PCDHA10: variants seen among roughly 807,000 people sequenced by gnomAD.
The protein encoded by PCDHA10 is protocadherin alpha 10.
PCDHA10 carries 45 observed loss-of-function variants against 61.2 expected under a neutral mutation model. The observed-to-expected ratio is 0.74, with a 90% confidence interval of 0.58 to 0.94. The LOEUF (loss-of-function observed/expected upper bound fraction) is 0.94. Among genes scored for constraint, PCDHA10 ranks in the 40% least tolerant of loss-of-function variants. The probability of loss-of-function intolerance (pLI) is 0.00; values close to 1 mark genes in which losing one functional copy is unlikely to be tolerated. For synonymous variants in PCDHA10, 602 were observed against 548.8 expected (o/e 1.10, Z -1.35); for missense variants, 1,278 against 1,236.2 (o/e 1.03, Z -0.51).
chr5:140,928,834 T>G, intron 1 of PCDHA10: 3 of 1,614,178 alleles, frequency 1.9e-6, no homozygotes, highest in Non-Finnish European at 2.5e-6. Flanking sequence ...ACCACTTTCC[T>G]CCTCTGTCAC....
chr5:140,861,303 G>A (rs1290097316), intron 1 of PCDHA10: 2 of 189,476 alleles, frequency 1.1e-5, no homozygotes, highest in Non-Finnish European at 2.2e-5. Context: ...TGTGAAGCGG[G>A]AAAGGACCAG....
At position 140,856,666 on chromosome 5, in the gene PCDHA10, G is replaced by A. The variant is rs782273873; in HGVS notation, c.618G>A (p.Gln206=). The change falls in exon 1 of 4, where the codon CAG becomes CAA. Residue 206 remains glutamine, a synonymous_variant. Coordinates refer to ENST00000307360, the MANE Select transcript of PCDHA10 (RefSeq NM_018901.4). ...TGCTGGATCGTGAAGAAAATCCTCA[G>A]CTAAAGTTGTTGTTGACAGCAACTG... The part of the protein sequence containing the change: ...RKLLDREENP[Q]LKLLLTATDG... 1 of 1,598,010 alleles carries A rather than the reference G, an allele frequency of 6.3e-7. No individual in the cohort carries two copies. The highest frequency in any genetic ancestry group is 1.7e-5 in the Admixed American group (1 of 59,222).
intron 1 of PCDHA10, among the ~76,000 whole-genome samples, chr5:140,915,425 A>T (rs2077115235): frequency 6.6e-6 from 1 of 152,056 alleles, no homozygotes; most frequent in African/African-American, 2.4e-5. Flanking sequence ...GGGCTTGTTT[A>T]TCCCTGTCCT....
intron 1 of PCDHA10, among the ~76,000 whole-genome samples, chr5:140,872,762 G>A (rs545441914): frequency 6.6e-6 from 1 of 152,066 alleles, no homozygotes; most frequent in African/African-American, 2.4e-5. Flanking sequence ...ATGCATATAG[G>A]GCTATATTAT....
intron 1 of PCDHA10, among the ~76,000 whole-genome samples, chr5:140,931,932 T>C (rs1163129550): frequency 6.6e-6 from 1 of 151,986 alleles, no homozygotes; most frequent in South Asian, 2.1e-4. Context: ...ATGATTATAA[T>C]GTGTGTCTGA....
intron 2 of PCDHA10, among the ~76,000 whole-genome samples, chr5:140,981,680 C>T (rs1238332235): frequency 6.6e-6 from 1 of 151,746 alleles, no homozygotes; most frequent in Non-Finnish European, 1.5e-5. Flanking sequence ...CTTCCTTCCT[C>T]CCTTCCATCA....
At chr5:140,897,340 C>G (rs1326802877) in intron 1 of PCDHA10, among the ~76,000 whole-genome samples, 1 of 122,842 alleles carries the variant, frequency 8.1e-6, no homozygotes, top group African/African-American at 3.1e-5. Flanking sequence ...CCCCTCCCCC[C>G]ACCCCACAAC....
At chr5:140,930,918 T>G (rs1554208161) in intron 1 of PCDHA10, among the ~76,000 whole-genome samples, 1 of 152,180 alleles carries the variant, frequency 6.6e-6, no homozygotes, top group East Asian at 1.9e-4. Context: ...ACTTTAGATG[T>G]GTATATGTGG....
intron 3 of PCDHA10, among the ~76,000 whole-genome samples, chr5:140,983,234 G>C (rs1021819523): frequency 6.6e-6 from 1 of 152,196 alleles, no homozygotes; most frequent in Non-Finnish European, 1.5e-5. Context: ...TTTCAGGAAA[G>C]AGAACCTGCT....
At chr5:140,906,097 T>G (rs1396034135) in intron 1 of PCDHA10, among the ~76,000 whole-genome samples, 1 of 152,144 alleles carries the variant, frequency 6.6e-6, no homozygotes, top group Non-Finnish European at 1.5e-5. Context: ...AGAGTAAGTG[T>G]GTCTTTCCCA....
chr5:140,893,817 C>T (rs951661016), intron 1 of PCDHA10, among the ~76,000 whole-genome samples: 73 of 152,098 alleles, frequency 4.8e-4, no homozygotes, highest in African/African-American at 1.7e-3. Context: ...AGTCTGGTAC[C>T]GTAGACTACT....
chr5:140,858,119 C>T lies in PCDHA10; in HGVS notation c.2071C>T (p.Leu691=), dbSNP rs1444406371. The change falls in exon 1 of 4, where the codon CTG becomes TTG. Residue 691 remains leucine (L), a synonymous_variant. Coordinates refer to ENST00000307360, the MANE Select transcript of PCDHA10 (RefSeq NM_018901.4). ...ASVGVAPEVA[L]VDVNVYLIIA... ...AGTGGGCGTGGCGCCCGAGGTGGCC[C>T]TGGTGGATGTCAACGTGTACCTGAT... 7 of 1,597,808 alleles carry T rather than the reference C, an allele frequency of 4.4e-6. No homozygotes were observed. The highest frequency in any genetic ancestry group is 1.1e-5 in the South Asian group (1 of 90,534).
intron 1 of PCDHA10, among the ~76,000 whole-genome samples, chr5:140,923,179 G>T (rs982663028): frequency 3.3e-5 from 5 of 152,130 alleles, no homozygotes; most frequent in Admixed American, 1.3e-4. Flanking sequence ...TTGTTCAGAT[G>T]CATCTACTGC....
intron 3 of PCDHA10, among the ~76,000 whole-genome samples, chr5:140,987,294 C>A (rs1406567852): frequency 6.6e-6 from 1 of 152,004 alleles, no homozygotes; most frequent in Non-Finnish European, 1.5e-5. Context: ...AACAAGCCTT[C>A]TATGTGATAC....
intron 1 of PCDHA10, among the ~76,000 whole-genome samples, chr5:140,923,770 G>C (rs1554201580): frequency 6.6e-6 from 1 of 152,152 alleles, no homozygotes; most frequent in East Asian, 1.9e-4. Context: ...AATCCTACTG[G>C]GTGGATGGTT....
At chr5:140,991,629 T>C (rs1466263798) in intron 3 of PCDHA10, among the ~76,000 whole-genome samples, 5 of 152,208 alleles carry the variant, frequency 3.3e-5, no homozygotes, top group African/African-American at 1.2e-4. Context: ...ATATTTGTAA[T>C]AACAATCTGT....
Position 140,978,973 on chromosome 5 carries a change from C to T in PCDHA10, c.2413C>T (p.Arg805Cys), listed in dbSNP as rs141879545. Residue 805 changes from arginine (R) to cysteine (C), a missense_variant, in exon 2 of 4, where the codon CGT becomes TGT. Transcript: ENST00000307360. ...GCCACGACAGCCCAACCCTGACTGG[C>T]GTTACTCTGCCTCCCTGAGAGCAGG... is the stretch of plus-strand genomic sequence containing the variant. ...RKPRQPNPDW[R>C]YSASLRAGMH... 1.5e-5 allele frequency: 24 copies of T among 1,614,060 alleles called. No individual in the cohort carries two copies. Among genetic ancestry groups the T allele is most frequent in the Middle Eastern group, 3.3e-4 (2 of 6,084 alleles).
At chr5:140,955,043 T>C (rs1285355120) in intron 1 of PCDHA10, among the ~76,000 whole-genome samples, 1 of 152,176 alleles carries the variant, frequency 6.6e-6, no homozygotes, top group Non-Finnish European at 1.5e-5. Context: ...CTTTTCCTCA[T>C]TGCTTGTTTT....
At chr5:141,001,723 A>G (rs936645287) in intron 3 of PCDHA10, among the ~76,000 whole-genome samples, 22 of 152,286 alleles carry the variant, frequency 1.4e-4, no homozygotes, top group African/African-American at 4.8e-4. Context: ...GGAGCTTGAG[A>G]TATTTTACAA....
Sources: gnomAD v4.1 joint callset for allele counts (sites outside exome capture counted in the v4.1 genomes callset) on GRCh38, gnomAD v4.1.1 for gene constraint, MANE v1.5 for transcripts, NCBI Gene and HGNC (gene_info 2026-07-23, HGNC 2026-07-21) for gene names.